BABAM1: variants seen among roughly 807,000 people sequenced by gnomAD.
BABAM1 encodes BRISC and BRCA1-A complex member 1.
A neutral mutation model predicts 34.4 loss-of-function variants in BABAM1; 14 were observed. The ratio of observed to expected loss-of-function variants is 0.41; its 90% CI spans 0.27 to 0.64. The LOEUF (loss-of-function observed/expected upper bound fraction) is 0.64. BABAM1 is among the 30% of genes least tolerant of loss of function. BABAM1 has a pLI of 0.34. For synonymous variants in BABAM1, 169 were observed against 165.8 expected (o/e 1.02, Z -0.15); for missense variants, 393 against 434.0 (o/e 0.91, Z 0.84).
intron 5 of BABAM1, among the ~76,000 whole-genome samples, chr19:17,275,224 A>T (rs115880703): frequency 0.012 from 1,821 of 152,066 alleles, 27 homozygotes; most frequent in African/African-American, 0.041. Context: ...TTTAAAACAT[A>T]AATTAGATTC....
intron 7 of BABAM1, 95 bp downstream of exon 7, chr19:17,276,719 T>C: frequency 6.4e-7 from 1 of 1,555,184 alleles, no homozygotes; most frequent in Non-Finnish European, 8.7e-7. Flanking sequence ...CTGGGGTGCC[T>C]AGAGGTAAGT....
In BABAM1 at chr19:17,271,673, G is replaced by C; in HGVS notation, c.344+18G>C. Reference sequence around the variant, plus strand: ...TTCAACGGGTAAGAGGGACATTTTAGGGCTTGAACATGCAGCCATGGCAGG... The same window carrying C: ...TTCAACGGGTAAGAGGGACATTTTACGGCTTGAACATGCAGCCATGGCAGG... On this transcript the variant is annotated intron_variant, in intron 3 of 8. Transcript: ENST00000598188. 1.2e-6 allele frequency: 2 copies of C among 1,612,790 alleles called. No homozygotes were observed. Among genetic ancestry groups the C allele is most frequent in the Non-Finnish European group, 1.7e-6 (2 of 1,179,126 alleles).
At chr19:17,276,429 T>C (rs1411262867) in intron 6 of BABAM1, 66 bp from the exon 7 acceptor site, 1 of 1,552,578 alleles carries the variant, frequency 6.4e-7, no homozygotes, top group African/African-American at 1.4e-5. Context: ...GGGGTCTCTC[T>C]CAGGGTGATA....
rs746915658 is a variant in BABAM1, at chr19:17,271,588, A to G, written c.286-9A>G. ...AGAGGACGCTCACCACCCTCCAACT[A>G]CCTTGCAGATTATCTGCCTGGACCT... On this transcript the variant is annotated splice_polypyrimidine_tract_variant and intron_variant, in intron 2 of 8. Coordinates refer to ENST00000598188, the MANE Select transcript of BABAM1 (RefSeq NM_014173.4). 8 of 1,613,508 alleles carry G rather than the reference A, an allele frequency of 5.0e-6. No homozygotes were observed. Among genetic ancestry groups the G allele is most frequent in the Non-Finnish European group, 6.8e-6 (8 of 1,179,706 alleles).
intron 2 of BABAM1, 61 bp from the exon 3 acceptor site, chr19:17,271,536 A>G: frequency 6.4e-7 from 1 of 1,565,400 alleles, no homozygotes; most frequent in Non-Finnish European, 8.8e-7. Context: ...AGGGCCAGTG[A>G]GTGGTGTGGG....
At chr19:17,270,123 G>A (rs2073822234) in intron 2 of BABAM1, among the ~76,000 whole-genome samples, 1 of 152,054 alleles carries the variant, frequency 6.6e-6, no homozygotes, top group Non-Finnish European at 1.5e-5. Flanking sequence ...AGTAGAGACA[G>A]GGTTTCACCG....
At chr19:17,275,757 G>C in intron 5 of BABAM1, 44 bp from the exon 6 acceptor site, 2 of 1,613,000 alleles carry the variant, frequency 1.2e-6, no homozygotes, top group South Asian at 1.1e-5. Context: ...CCTGTTTCCC[G>C]CTCACTCGTG....
At chr19:17,268,773 C>T (rs2073801329) in intron 1 of BABAM1, 21 bp from the exon 2 acceptor site, 6 of 1,557,882 alleles carry the variant, frequency 3.9e-6, no homozygotes, top group Middle Eastern at 1.7e-4. Context: ...TTCTGGCTTC[C>T]CCTGTCCGTG....
chr19:17,272,053 G>A (rs1313236137), intron 3 of BABAM1, among the ~76,000 whole-genome samples: 2 of 152,118 alleles, frequency 1.3e-5, no homozygotes, highest in Non-Finnish European at 2.9e-5. Flanking sequence ...CCATTCTTGT[G>A]CCTCATCCTC....
At chr19:17,269,676 TG>T (rs2073815722) in intron 2 of BABAM1, among the ~76,000 whole-genome samples, 1 of 152,000 alleles carries the variant, frequency 6.6e-6, no homozygotes, top group Non-Finnish European at 1.5e-5. Context: ...TAGCCTCTCG[TG>T]GCTCCTGGCA....
intron 5 of BABAM1, among the ~76,000 whole-genome samples, chr19:17,275,529 G>A (rs533878543): frequency 6.6e-6 from 1 of 151,446 alleles, no homozygotes; most frequent in Non-Finnish European, 1.5e-5. Context: ...ACCTCAGATG[G>A]TCCACCCGCC....
intron 5 of BABAM1, 122 bp downstream of exon 5, chr19:17,274,307 G>A: frequency 7.7e-7 from 1 of 1,297,750 alleles, no homozygotes; most frequent in Non-Finnish European, 1.1e-6. Flanking sequence ...ATCTGCCAAG[G>A]CTGGGAAAGT....
chr19:17,272,431 A>C (rs2073852237), intron 3 of BABAM1, among the ~76,000 whole-genome samples: 1 of 145,696 alleles, frequency 6.9e-6, no homozygotes, highest in African/African-American at 2.5e-5. Context: ...TTTGAGACGG[A>C]GTCTCGCTCT....
At chr19:17,268,752 C>T in intron 1 of BABAM1, 42 bp from the exon 2 acceptor site, 1 of 1,516,466 alleles carries the variant, frequency 6.6e-7, no homozygotes, top group Non-Finnish European at 8.8e-7. Context: ...TTTAAAACTC[C>T]AAGGGGAGGA....
intron 7 of BABAM1, 97 bp downstream of exon 7, chr19:17,276,721 G>C: frequency 6.4e-7 from 1 of 1,555,844 alleles, no homozygotes; most frequent in Non-Finnish European, 8.7e-7. Flanking sequence ...GGGGTGCCTA[G>C]AGGTAAGTTC....
rs751285313 is a variant in BABAM1 at position 17,273,911 on chromosome 19, A to G, written c.352A>G (p.Thr118Ala). Residue 118 changes from threonine to alanine, a missense_variant, in exon 4 of 9, where the codon ACC (threonine) becomes GCC (alanine). By Grantham distance (58) the Thr-to-Ala change is moderately conservative. Transcript: ENST00000598188. ...TACTCTCTGCCTCCCCAGCTCCAAA[A>G]CCAACGCCCTCAATGTCTCCCAGAA... ...PKLESFNGSK[T>A]NALNVSQKMI... is the part of the protein sequence containing the mutation. The G allele has an allele frequency of 3.7e-6, 6 of 1,610,574 alleles. No homozygotes were observed. The highest frequency in any genetic ancestry group is 5.1e-6 in the Non-Finnish European group (6 of 1,178,552).
intron 5 of BABAM1, 188 bp downstream of exon 5, chr19:17,274,373 AC>A: frequency 1.4e-6 from 1 of 695,956 alleles, no homozygotes; most frequent in Non-Finnish European, 2.4e-6. Context: ...AAAGTTGCCT[AC>A]CCCATGGAGA....
intron 5 of BABAM1, 75 bp from the exon 6 acceptor site, chr19:17,275,726 G>A: frequency 6.3e-7 from 1 of 1,594,216 alleles, no homozygotes; most frequent in Non-Finnish European, 8.6e-7. Flanking sequence ...GTCTCCTCTG[G>A]TATCGGGATC....
chr19:17,274,257 T>G (rs145134111), intron 5 of BABAM1, 72 bp downstream of exon 5: 8 of 1,564,854 alleles, frequency 5.1e-6, no homozygotes, highest in Middle Eastern at 2.3e-4. Context: ...CCCAGGAAAG[T>G]CTAAGTCATG....
Sources: gnomAD v4.1 joint callset for allele counts (sites outside exome capture counted in the v4.1 genomes callset) on GRCh38, gnomAD v4.1.1 for gene constraint, MANE v1.5 for transcripts, NCBI Gene and HGNC (gene_info 2026-07-23, HGNC 2026-07-21) for gene names.